Variants in CLIP2 observed in about 807,000 individuals in gnomAD.
CLIP2 encodes CAP-Gly domain-containing linker protein 2.
A neutral mutation model predicts 111.7 loss-of-function variants in CLIP2; 41 were observed. The observed-to-expected ratio is 0.37, with a 90% CI of 0.29 to 0.48. The LOEUF (loss-of-function observed/expected upper bound fraction) is 0.48, where lower values mean the gene tolerates loss of function less well. Ranked by LOEUF, CLIP2 falls within the 20% of genes least tolerant of loss-of-function variation. The pLI is 0.99. For missense variants in CLIP2, 1,160 were observed against 1,422.1 expected (o/e 0.82, Z 2.96); for synonymous variants, 660 against 644.2 (o/e 1.02, Z -0.37).
intron 2 of CLIP2, among the ~76,000 whole-genome samples, chr7:74,318,420 A>G (rs1050127276): frequency 2.6e-5 from 4 of 152,076 alleles, no homozygotes; most frequent in Admixed American, 1.3e-4. Context: ...CAGTTTAAAA[A>G]ACTGTAATTG....
Position 74,380,881 on chromosome 7 carries a change from C to G in CLIP2, c.2479+18C>G, listed in dbSNP as rs538299226. On this transcript the variant is annotated intron_variant, in intron 11 of 16. Transcript: ENST00000223398. ...TGTGGAGGGTGAGTGGCCACCAGGC[C>G]GGGCGGGACTCTGGGCTCTGGGAAG... The G allele has an allele frequency of 2.7e-5, 43 of 1,612,628 alleles. No individual in the cohort carries two copies. The highest frequency in any genetic ancestry group is 3.6e-5 in the Non-Finnish European group (42 of 1,178,892).
chr7:74,367,066 C>G (rs1790486382), intron 8 of CLIP2, among the ~76,000 whole-genome samples: 1 of 152,116 alleles, frequency 6.6e-6, no homozygotes, highest in African/African-American at 2.4e-5. Context: ...CTTATGAAGA[C>G]AGCAGTCACT....
intron 15 of CLIP2, among the ~76,000 whole-genome samples, chr7:74,400,773 G>A (rs1048997341): frequency 6.6e-6 from 1 of 152,060 alleles, no homozygotes; most frequent in East Asian, 1.9e-4. Flanking sequence ...CAGTCTGAAG[G>A]GGGAGGCAGC....
Position 74,338,516 on chromosome 7 carries a change from C to G in CLIP2, c.190C>G (p.Pro64Ala), listed in dbSNP as rs1430394208. 1 of 1,610,018 alleles carries G rather than the reference C, an allele frequency of 6.2e-7. No individual in the cohort carries two copies. Among genetic ancestry groups the G allele is most frequent in the East Asian group, 2.2e-5 (1 of 44,754 alleles). The stretch of plus-strand genomic sequence containing the variant: ...GGCCGCAGCTGCTGCCCCCGAGAAG[C>G]CGGGCCCCAAGGCGGCGGAAGTGGG... ...SPAAAAAPEK[P>A]GPKAAEVGDD... is the part of the protein sequence containing the mutation. Residue 64 changes from proline to alanine, a missense_variant, in exon 3 of 17, where the codon CCG becomes GCG. This residue lies in a region of CLIP2 where 301 missense variants were observed against 315.2 expected (regional missense o/e 0.96). Coordinates refer to ENST00000223398, the MANE Select transcript of CLIP2 (RefSeq NM_003388.5). The surrounding 1 kb of genome is among the most constrained non-coding windows in gnomAD (Gnocchi z 4.3).
chr7:74,373,272 T>G (rs1324489331), intron 9 of CLIP2, among the ~76,000 whole-genome samples: 1 of 151,770 alleles, frequency 6.6e-6, no homozygotes, highest in Non-Finnish European at 1.5e-5. Context: ...CTAAGGAGGG[T>G]GGATCGCCTG....
At chr7:74,372,156 G>A (rs894967732) in intron 8 of CLIP2, among the ~76,000 whole-genome samples, 11 of 152,102 alleles carry the variant, frequency 7.2e-5, no homozygotes, top group Non-Finnish European at 1.5e-4. Context: ...TTGACACCCT[G>A]AGAATGCTGG....
chr7:74,318,719 A>T (rs1012910694), intron 2 of CLIP2, among the ~76,000 whole-genome samples: 32 of 152,204 alleles, frequency 2.1e-4, no homozygotes, highest in Non-Finnish European at 1.5e-4. Context: ...ATTTAAAAAA[A>T]AAATGACGAT....
intron 3 of CLIP2, among the ~76,000 whole-genome samples, chr7:74,341,178 TTTG>T (rs1356424566): frequency 3.3e-5 from 5 of 151,950 alleles, no homozygotes; most frequent in Non-Finnish European, 7.4e-5. Flanking sequence ...CAGGGAAGTT[TTTG>T]TTTGTTTGTT....
Position 74,384,441 on chromosome 7 carries a change from A to ATTT in CLIP2, c.2480-2060_2480-2058dup, listed in dbSNP as rs533449196. 1.2e-3 allele frequency among the ~76,000 whole-genome samples: 119 copies of ATTT among 98,458 alleles called. 4 individuals are homozygous for ATTT. The highest frequency in any genetic ancestry group is 2.6e-3 in the African/African-American group (61 of 23,096). The allele number at this position is 98,458 out of a possible 152,430, so 64.6% of individuals were successfully genotyped here. On this transcript the variant is annotated intron_variant, in intron 11 of 16. Transcript: ENST00000223398. The stretch of plus-strand genomic sequence containing the variant: ...GAAGAGTAGAATGCTAGGTCATATG[A>ATTT]TTTTTTTTTTTTTTTTTTTTTTGAG...
chr7:74,309,718 C>T (rs544087871), intron 1 of CLIP2, among the ~76,000 whole-genome samples: 3 of 150,786 alleles, frequency 2.0e-5, no homozygotes, highest in East Asian at 1.9e-4. Context: ...ATTAGCCGGG[C>T]GTGGTGGCAC....
rs56395750 is a variant in CLIP2 at position 74,299,324 on chromosome 7, A to AAAATAAAT, written c.-68+9626_-68+9633dup. Among the ~76,000 whole-genome samples the AAAATAAAT allele has an allele frequency of 4.6e-3, 683 of 147,330 alleles. 8 individuals are homozygous for AAAATAAAT. The highest frequency in any genetic ancestry group is 0.014 in the African/African-American group (571 of 39,436). On this transcript the variant is annotated intron_variant, in intron 1 of 16. Transcript: ENST00000223398. ...TGGGCAACACAGCAAGACCCTGTCT[A>AAAATAAAT]AAATAAATAAATAAATAAATAAATA...
intron 1 of CLIP2, among the ~76,000 whole-genome samples, chr7:74,304,623 C>A (rs1014391814): frequency 1.3e-5 from 2 of 150,942 alleles, no homozygotes; most frequent in Non-Finnish European, 3.0e-5. Flanking sequence ...CATTGAACAC[C>A]CATGTGCACC....
intron 2 of CLIP2, among the ~76,000 whole-genome samples, chr7:74,336,069 ATTCTTTTCTT>A (rs1554732070): frequency 2.7e-5 from 4 of 147,528 alleles, no homozygotes; most frequent in Non-Finnish European, 6.0e-5. Context: ...TTTCTTTTCT[ATTCTTTTCTT>A]TTCTTTCAGA....
rs1554308037 is a variant in CLIP2, at chr7:74,353,966, G to A, written c.765G>A (p.Glu255=). The stretch of plus-strand genomic sequence containing the variant: ...AGTGGTGTGGCGTGGAGCTGGACGA[G>A]CCCCTTGGGAAGAATGATGGGGCGG... ...KGEWCGVELD[E]PLGKNDGAVA... is the part of the protein sequence containing the mutation. The change falls in exon 4 of 17, where the codon GAG becomes GAA. Residue 255 remains glutamate (E), a synonymous_variant. Transcript: ENST00000223398. The A allele has an allele frequency of 4.3e-6, 7 of 1,613,990 alleles. No homozygotes were observed. Among genetic ancestry groups the A allele is most frequent in the Admixed American group, 3.3e-5 (2 of 60,000 alleles).
intron 1 of CLIP2, among the ~76,000 whole-genome samples, chr7:74,309,752 G>T (rs1465113827): frequency 1.3e-5 from 2 of 151,732 alleles, no homozygotes; most frequent in South Asian, 2.1e-4. Context: ...CAGCTACTTG[G>T]GAGGTGGAGA....
chr7:74,332,752 C>T (rs1554731531), intron 2 of CLIP2, among the ~76,000 whole-genome samples: 1 of 152,194 alleles, frequency 6.6e-6, no homozygotes, highest in Non-Finnish European at 1.5e-5. Flanking sequence ...CCGGGTACCA[C>T]ATTTTGGGTT....
At chr7:74,314,060 G>A (rs1259158374) in intron 1 of CLIP2, among the ~76,000 whole-genome samples, 2 of 152,024 alleles carry the variant, frequency 1.3e-5, no homozygotes, top group Non-Finnish European at 2.9e-5. Flanking sequence ...GCGGGCGCCT[G>A]TAGTCTGACT....
chr7:74,357,763 C>CTTTT, intron 6 of CLIP2, among the ~76,000 whole-genome samples: 1 of 143,974 alleles, frequency 6.9e-6, no homozygotes. Context: ...TTCTTTCTTT[C>CTTTT]TTTTTTTTTT....
At chr7:74,370,080 C>T (rs1442854953) in intron 8 of CLIP2, among the ~76,000 whole-genome samples, 1 of 80,220 alleles carries the variant, frequency 1.2e-5, no homozygotes, top group Non-Finnish European at 3.2e-5. Flanking sequence ...ATCGCTTGAA[C>T]CCAGGAGGCA....
Sources: allele counts gnomAD v4.1 joint callset (sites outside exome capture counted in the v4.1 genomes callset), GRCh38; gene constraint gnomAD v4.1.1; regional missense constraint gnomAD v4.1.1; non-coding constraint Gnocchi (gnomAD v3.1); transcripts MANE v1.5; gene names NCBI Gene and HGNC (gene_info 2026-07-23, HGNC 2026-07-21).